The following ARHGDIB variants were observed in gnomAD, a reference collection of about 807,000 sequenced individuals.
ARHGDIB encodes the protein Rho GDP dissociation inhibitor beta.
A neutral mutation model predicts 22.6 loss-of-function variants in ARHGDIB; 20 were observed. The observed-to-expected ratio is 0.88, with a 90% CI of 0.62 to 1.28. The LOEUF (loss-of-function observed/expected upper bound fraction) is 1.28, where lower values mean the gene tolerates loss of function less well. ARHGDIB is among the 50% of genes most tolerant of loss of function. The pLI is 0.00. For missense variants in ARHGDIB, 254 were observed against 245.4 expected (o/e 1.04, Z -0.23); for synonymous variants, 114 against 96.1 (o/e 1.19, Z -1.09).
At position 14,953,833 on chromosome 12, in the gene ARHGDIB, C is replaced by A. The variant is rs1027836673; in HGVS notation, c.-12-3109G>T. Among the ~76,000 whole-genome samples, 11 of 151,888 alleles carry A rather than the reference C, an allele frequency of 7.2e-5. No homozygotes were observed. The East Asian group carries it at 1.6e-3, about 21-fold the overall frequency. On this transcript the variant is annotated intron_variant, in intron 1 of 5. Coordinates refer to ENST00000228945, the MANE Select transcript of ARHGDIB (RefSeq NM_001175.7). ...GCTTTTGCTTGCTCTCTCTCTCTCTCTCTCTCTTTCTCTTTCTCTCTCTTT... is the reference window on the plus strand; with the variant it reads ...GCTTTTGCTTGCTCTCTCTCTCTCTATCTCTCTTTCTCTTTCTCTCTCTTT...
At position 14,942,536 on chromosome 12, in the gene ARHGDIB, CCTT is replaced by C. The variant is rs1565457289; in HGVS notation, c.589_591del (p.Lys197del). The C allele has an allele frequency of 6.2e-7, 1 of 1,614,112 alleles. No homozygotes were observed. Among genetic ancestry groups the C allele is most frequent in the Non-Finnish European group, 8.5e-7 (1 of 1,180,020 alleles). ...GGTGGATGCATTCATTCTGTCCACT[CCTT>C]CTTAATCGACAGGTTCCACTCCCAG... On this transcript the variant is annotated inframe_deletion, in exon 6 of 6. Transcript: ENST00000228945.
chr12:14,950,955 T>C (rs1001688670), intron 1 of ARHGDIB: 1 of 361,114 alleles, frequency 2.8e-6, no homozygotes, highest in Non-Finnish European at 5.0e-6. Flanking sequence ...TATCTTCTAT[T>C]CACTGAACAA....
At chr12:14,957,565 A>C (rs1864328128) in intron 1 of ARHGDIB, among the ~76,000 whole-genome samples, 1 of 152,222 alleles carries the variant, frequency 6.6e-6, no homozygotes, top group Non-Finnish European at 1.5e-5. Flanking sequence ...TCTTTTAAAA[A>C]CTTTCATGTA....
At position 14,950,672 on chromosome 12, in the gene ARHGDIB, T is replaced by C. The variant is rs1379946526; in HGVS notation, c.41A>G (p.Asp14Gly). 1.2e-6 allele frequency: 2 copies of C among 1,613,708 alleles called. No individual in the cohort carries two copies. The highest frequency in any genetic ancestry group is 1.7e-6 in the Non-Finnish European group (2 of 1,179,826). ...GAGCTTGCTGTCCAGCTCATCATCG[T>C]CATCCTCCTCCACATGTGGCTCTGG... Reference protein sequence around the residue: ...KAPEPHVEEDDDDELDSKLNY... With the variant: ...KAPEPHVEEDGDDELDSKLNY... Residue 14 changes from aspartate (D) to glycine (G), a missense_variant, in exon 2 of 6, where the codon GAC becomes GGC. Coordinates refer to ENST00000228945, the MANE Select transcript of ARHGDIB (RefSeq NM_001175.7).
intron 1 of ARHGDIB, among the ~76,000 whole-genome samples, chr12:14,960,566 T>A (rs1162451371): frequency 6.6e-6 from 1 of 152,182 alleles, no homozygotes; most frequent in Non-Finnish European, 1.5e-5. Context: ...TGCAATGGCG[T>A]GATCTTGGCT....
At chr12:14,955,526 A>G (rs997238822) in intron 1 of ARHGDIB, among the ~76,000 whole-genome samples, 7 of 152,232 alleles carry the variant, frequency 4.6e-5, no homozygotes, top group Admixed American at 6.5e-5. Flanking sequence ...TAGTCAAGCA[A>G]ATTAACATAT....
At chr12:14,953,357 A>G (rs1864225231) in intron 1 of ARHGDIB, among the ~76,000 whole-genome samples, 2 of 152,212 alleles carry the variant, frequency 1.3e-5, no homozygotes, top group African/African-American at 4.8e-5. Flanking sequence ...AAGAGTAATA[A>G]TACAACAAAT....
At chr12:14,953,558 T>C (rs1417091496) in intron 1 of ARHGDIB, among the ~76,000 whole-genome samples, 1 of 152,162 alleles carries the variant, frequency 6.6e-6, no homozygotes, top group African/African-American at 2.4e-5. Context: ...CCTGGTTTGG[T>C]TGATTTCTTA....
Position 14,944,755 on chromosome 12 carries a change from T to G in ARHGDIB, c.406+21A>C, listed in dbSNP as rs1366331490. The G allele has an allele frequency of 1.9e-6, 3 of 1,610,758 alleles. No homozygotes were observed. In the Admixed American group the frequency reaches 5.0e-5, roughly 27 times the overall value. Reference sequence around the variant, plus strand: ...CAATGAGAAGCAGTTTGGGACAGTGTGGAAATGTGGGTTCCCTTACCTTTC... The same window carrying G: ...CAATGAGAAGCAGTTTGGGACAGTGGGGAAATGTGGGTTCCCTTACCTTTC... On this transcript the variant is annotated intron_variant, in intron 5 of 5. Coordinates refer to ENST00000228945, the MANE Select transcript of ARHGDIB (RefSeq NM_001175.7).
chr12:14,953,723 A>C (rs1310684968), intron 1 of ARHGDIB, among the ~76,000 whole-genome samples: 1 of 152,122 alleles, frequency 6.6e-6, no homozygotes, highest in African/African-American at 2.4e-5. Context: ...ATTTGGGTTC[A>C]AGATCTCCAG....
intron 2 of ARHGDIB, 98 bp from the exon 3 acceptor site, chr12:14,949,983 G>A (rs1002893112): frequency 9.2e-7 from 1 of 1,089,318 alleles, no homozygotes; most frequent in Non-Finnish European, 1.3e-6. Flanking sequence ...AAATAAAAGT[G>A]ATCTTTCTAT....
intron 5 of ARHGDIB, 36 bp from the exon 6 acceptor site, chr12:14,942,757 T>C (rs1485352236): frequency 1.3e-6 from 2 of 1,592,840 alleles, no homozygotes; most frequent in Admixed American, 3.4e-5. Flanking sequence ...GGTAAGAGCC[T>C]GATAGAGGAA....
At chr12:14,951,264 C>T in intron 1 of ARHGDIB, 1 of 153,284 alleles carries the variant, frequency 6.5e-6, no homozygotes. Flanking sequence ...TCAAAGATGA[C>T]TCATGACGAA....
intron 1 of ARHGDIB, among the ~76,000 whole-genome samples, chr12:14,958,716 A>AT (rs551839472): frequency 1.3e-5 from 2 of 152,114 alleles, no homozygotes; most frequent in African/African-American, 4.8e-5. Context: ...TTGAGAGAGA[A>AT]TTTTTTTTAT....
At chr12:14,960,533 C>T (rs965293272) in intron 1 of ARHGDIB, among the ~76,000 whole-genome samples, 6 of 152,166 alleles carry the variant, frequency 3.9e-5, no homozygotes, top group Admixed American at 2.6e-4. Flanking sequence ...GCCAGAGTTT[C>T]GCTCTTGTTG....
At chr12:14,944,207 A>G (rs1863953131) in intron 5 of ARHGDIB, among the ~76,000 whole-genome samples, 1 of 150,614 alleles carries the variant, frequency 6.6e-6, no homozygotes, top group Admixed American at 6.6e-5. Context: ...GCAGGGTCCC[A>G]AGGCATGACA....
At chr12:14,950,097 A>G (rs1462769087) in intron 2 of ARHGDIB, among the ~76,000 whole-genome samples, 7 of 152,212 alleles carry the variant, frequency 4.6e-5, no homozygotes, top group East Asian at 1.9e-4. Context: ...TTGTAGGTCC[A>G]TCTAATTATT....
rs116389717 is a variant in ARHGDIB, at chr12:14,952,473, A to G, written c.-12-1749T>C. 2.3e-3 allele frequency among the ~76,000 whole-genome samples: 343 copies of G among 152,276 alleles called. 3 individuals are homozygous for G. The highest frequency in any genetic ancestry group is 7.9e-3 in the African/African-American group (327 of 41,548). The stretch of plus-strand genomic sequence containing the variant: ...CTATGGCAACTCTTGCTTTAGCAGA[A>G]GAAACAGCACCACTCAAAGATGAGA... On this transcript the variant is annotated intron_variant, in intron 1 of 5. Coordinates refer to ENST00000228945, the MANE Select transcript of ARHGDIB (RefSeq NM_001175.7).
intron 1 of ARHGDIB, chr12:14,961,062 T>TC (rs765970788): frequency 2.6e-5 from 4 of 152,280 alleles, no homozygotes; most frequent in Non-Finnish European, 4.4e-5. Context: ...CATTTTTTTT[T>TC]CTCTTTCAAC....
Sources: gnomAD v4.1 joint callset for allele counts (sites outside exome capture counted in the v4.1 genomes callset) on GRCh38, gnomAD v4.1.1 for gene constraint, MANE v1.5 for transcripts, NCBI Gene and HGNC (gene_info 2026-07-23, HGNC 2026-07-21) for gene names.